The following GALNT18 variants were observed in gnomAD, a reference collection of about 807,000 sequenced individuals.
GALNT18 encodes the protein GalNAc-transferase 18.
In GALNT18, 44 loss-of-function variants were observed where a neutral mutation model predicts 69.5. The ratio of observed to expected loss-of-function variants is 0.63; its 90% CI spans 0.50 to 0.81. The LOEUF is 0.81. Ranked by LOEUF, GALNT18 falls within the 40% of genes least tolerant of loss-of-function variation. The pLI is 0.00. For synonymous variants in GALNT18, 364 were observed against 318.2 expected (o/e 1.14, Z -1.53); for missense variants, 715 against 810.0 (o/e 0.88, Z 1.42).
chr11:11,430,314 C>T lies in GALNT18; in HGVS notation c.595+2307G>A, dbSNP rs529953295. ...TCATATGCCCCTCACCCAGTATTCC[C>T]CAATGGTAACATTGTACACAACCAC... On this transcript the variant is annotated intron_variant, in intron 3 of 10. Transcript: ENST00000227756. The surrounding 1 kb of genome is among the most constrained non-coding windows in gnomAD (Gnocchi z 4.9). Among the ~76,000 whole-genome samples the T allele has an allele frequency of 2.0e-5, 3 of 152,284 alleles. No homozygotes were observed. The South Asian group carries it at 6.2e-4, about 32-fold the overall frequency.
In GALNT18 at chr11:11,340,291, T is replaced by TGTCTAAAAACTGCCCAGAGTAACTC. The variant is rs1554918735; in HGVS notation, c.1278+527_1278+528insGAGTTACTCTGGGCAGTTTTTAGAC. Among the ~76,000 whole-genome samples the TGTCTAAAAACTGCCCAGAGTAACTC allele has an allele frequency of 3.9e-5, 6 of 151,912 alleles. No homozygotes were observed. Among genetic ancestry groups the TGTCTAAAAACTGCCCAGAGTAACTC allele is most frequent in the African/African-American group, 1.4e-4 (6 of 41,410 alleles). The stretch of plus-strand genomic sequence containing the variant: ...ATGATGAGGCTCTGTGAAGGTTAAC[T>TGTCTAAAAACTGCCCAGAGTAACTC]CCATCTCCTAGTGAAGGTCCCTGTA... On this transcript the variant is annotated intron_variant, in intron 7 of 10. Coordinates refer to ENST00000227756, the MANE Select transcript of GALNT18 (RefSeq NM_198516.3). This position sits in a 1 kb window ranked among gnomAD's most constrained non-coding sequence, Gnocchi z 4.2.
chr11:11,541,033 T>G lies in GALNT18; in HGVS notation c.235+80326A>C, dbSNP rs1857907173. Among the ~76,000 whole-genome samples the G allele has an allele frequency of 6.6e-6, 1 of 152,182 alleles. No individual in the cohort carries two copies. Among genetic ancestry groups the G allele is most frequent in the Non-Finnish European group, 1.5e-5 (1 of 68,022 alleles). On this transcript the variant is annotated intron_variant, in intron 1 of 10. Coordinates refer to ENST00000227756, the MANE Select transcript of GALNT18 (RefSeq NM_198516.3). This position sits in a 1 kb window ranked among gnomAD's most constrained non-coding sequence, Gnocchi z 4.8. ...GAAATAGAATTACTTAAAGTGATGC[T>G]CCCTTGCTCCTGTTAAAACAGGGGC...
At chr11:11,514,528 G>T (rs1857228386) in intron 1 of GALNT18, among the ~76,000 whole-genome samples, 2 of 152,202 alleles carry the variant, frequency 1.3e-5, no homozygotes, top group African/African-American at 4.8e-5. Flanking sequence ...TTCTAAATGT[G>T]AAATTTCACA....
At chr11:11,589,036 T>C (rs1017778734) in intron 1 of GALNT18, among the ~76,000 whole-genome samples, 25 of 152,182 alleles carry the variant, frequency 1.6e-4, no homozygotes, top group Non-Finnish European at 2.6e-4. Context: ...GGAATCCCTA[T>C]GCATAGAATC....
In GALNT18 at chr11:11,396,261, A is replaced by G. The variant is rs1321321182; in HGVS notation, c.596-16997T>C. On this transcript the variant is annotated intron_variant, in intron 3 of 10. Coordinates refer to ENST00000227756, the MANE Select transcript of GALNT18 (RefSeq NM_198516.3). The surrounding 1 kb of genome is among the most constrained non-coding windows in gnomAD (Gnocchi z 5.2). ...GGGTCTGTCAGTGGTGTTCGCAAAC[A>G]GTGTTTGGCTTTCTCGATTCTGGCC... 6.6e-6 allele frequency among the ~76,000 whole-genome samples: 1 copy of G among 152,204 alleles called. No homozygotes were observed. Among genetic ancestry groups the G allele is most frequent in the African/African-American group, 2.4e-5 (1 of 41,450 alleles).
intron 1 of GALNT18, among the ~76,000 whole-genome samples, chr11:11,534,072 CTG>C (rs1857718619): frequency 6.6e-6 from 1 of 152,254 alleles, no homozygotes; most frequent in African/African-American, 2.4e-5. Flanking sequence ...GATCAGGAAA[CTG>C]AGGCTTATAG....
intron 10 of GALNT18, among the ~76,000 whole-genome samples, chr11:11,272,491 A>G (rs1375762928): frequency 6.6e-6 from 1 of 151,474 alleles, no homozygotes. Context: ...GAAGGCCTCC[A>G]TGGCTCAGTG....
Position 11,497,317 on chromosome 11 carries a change from T to C in GALNT18, c.236-48381A>G, listed in dbSNP as rs12223651. On this transcript the variant is annotated intron_variant, in intron 1 of 10. Transcript: ENST00000227756. This position sits in a 1 kb window ranked among gnomAD's most constrained non-coding sequence, Gnocchi z 4.2. ...TCCTACTTATTATTTATGTTTTACC[T>C]CCTGTCTCCAACACACACACACACA... Among the ~76,000 whole-genome samples the C allele has an allele frequency of 0.29, 37,797 of 131,390 alleles. 5,001 individuals are homozygous for C. The highest frequency in any genetic ancestry group is 0.32 in the Middle Eastern group (86 of 268). 86.2% of individuals were successfully genotyped at this position (131,390 alleles called of 152,430 possible). A position where few individuals can be genotyped will look rare whatever the true frequency, so the allele number is the denominator to read the frequency against.
At chr11:11,481,183 C>T (rs991461128) in intron 1 of GALNT18, among the ~76,000 whole-genome samples, 2 of 152,210 alleles carry the variant, frequency 1.3e-5, no homozygotes. Context: ...GCCACCCAAA[C>T]AGCCCCCTGC....
intron 1 of GALNT18, among the ~76,000 whole-genome samples, chr11:11,481,812 A>G (rs1856537271): frequency 6.6e-6 from 1 of 152,170 alleles, no homozygotes; most frequent in African/African-American, 2.4e-5. Flanking sequence ...CTACCCTAAC[A>G]GGCCCTTCAG....
chr11:11,583,605 A>AT lies in GALNT18; in HGVS notation c.235+37753dup, dbSNP rs1859142694. Among the ~76,000 whole-genome samples the AT allele has an allele frequency of 6.6e-6, 1 of 152,162 alleles. No homozygotes were observed. Among genetic ancestry groups the AT allele is most frequent in the Non-Finnish European group, 1.5e-5 (1 of 68,020 alleles). ...GATACATTTACATCTCATTCCCCAAATGTAGGACATCCAAAGACCAGAGGT... is the reference window on the plus strand; with the variant it reads ...GATACATTTACATCTCATTCCCCAAATTGTAGGACATCCAAAGACCAGAGGT... On this transcript the variant is annotated intron_variant, in intron 1 of 10. Coordinates refer to ENST00000227756, the MANE Select transcript of GALNT18 (RefSeq NM_198516.3). The surrounding 1 kb of genome is among the most constrained non-coding windows in gnomAD (Gnocchi z 4.7).
intron 1 of GALNT18, among the ~76,000 whole-genome samples, chr11:11,599,394 G>T (rs113475541): frequency 7.2e-5 from 11 of 151,906 alleles, no homozygotes; most frequent in African/African-American, 2.6e-4. Context: ...CGTCAATTTT[G>T]TCTGATATTA....
chr11:11,608,504 C>T (rs920669730), intron 1 of GALNT18, among the ~76,000 whole-genome samples: 2 of 151,956 alleles, frequency 1.3e-5, no homozygotes, highest in Non-Finnish European at 2.9e-5. Context: ...GGATTACAGG[C>T]ACCTGCCACC....
At chr11:11,330,136 C>G (rs1231365524) in intron 8 of GALNT18, among the ~76,000 whole-genome samples, 3 of 152,258 alleles carry the variant, frequency 2.0e-5, no homozygotes, top group East Asian at 1.9e-4. Context: ...CCCACAGGTC[C>G]TTAGGCCTGC....
intron 3 of GALNT18, among the ~76,000 whole-genome samples, chr11:11,411,177 G>C (rs1341942062): frequency 1.3e-5 from 2 of 152,150 alleles, no homozygotes; most frequent in Non-Finnish European, 2.9e-5. Context: ...AGCTGGGTGT[G>C]GTGGTGCATG....
At chr11:11,271,773 T>C (rs2132969060) in intron 10 of GALNT18, among the ~76,000 whole-genome samples, 1 of 152,352 alleles carries the variant, frequency 6.6e-6, no homozygotes, top group Non-Finnish European at 1.5e-5. Flanking sequence ...TCCTGGTTAC[T>C]GTCTCTTAGG....
intron 10 of GALNT18, 49 bp from the exon 11 acceptor site, chr11:11,271,339 C>G (rs776912897): frequency 6.3e-7 from 1 of 1,584,634 alleles, no homozygotes; most frequent in East Asian, 2.3e-5. Flanking sequence ...AGGCAACATG[C>G]AGAAATTCGG....
intron 3 of GALNT18, among the ~76,000 whole-genome samples, chr11:11,400,566 T>A (rs912455824): frequency 2.0e-5 from 3 of 152,138 alleles, no homozygotes; most frequent in African/African-American, 7.2e-5. Context: ...TTCTCACAGT[T>A]CTGAAGGCTG....
chr11:11,502,158 A>C (rs1021002335), intron 1 of GALNT18, among the ~76,000 whole-genome samples: 2 of 152,214 alleles, frequency 1.3e-5, no homozygotes, highest in Non-Finnish European at 2.9e-5. Context: ...TCAGCACCTC[A>C]TAAAGCGAGG....
Sources: allele counts gnomAD v4.1 joint callset (sites outside exome capture counted in the v4.1 genomes callset), GRCh38; gene constraint gnomAD v4.1.1; non-coding constraint Gnocchi (gnomAD v3.1); transcripts MANE v1.5; gene names NCBI Gene and HGNC (gene_info 2026-07-23, HGNC 2026-07-21).